The following GALNT9 variants were observed in gnomAD, a reference collection of about 807,000 sequenced individuals.
The protein encoded by GALNT9 is polypeptide N-acetylgalactosaminyltransferase 9, also known as GalNAc transferase 9.
A neutral mutation model predicts 63.1 loss-of-function variants in GALNT9; 47 were observed. The observed-to-expected ratio is 0.75, with a 90% CI of 0.59 to 0.95. GALNT9 has a LOEUF of 0.95. Ranked by LOEUF, GALNT9 falls within the 40% of genes least tolerant of loss-of-function variation. The pLI, the probability that GALNT9 is intolerant of heterozygous loss-of-function variation, is 0.00. For synonymous variants in GALNT9, 396 were observed against 365.7 expected (o/e 1.08, Z -0.94); for missense variants, 829 against 874.8 (o/e 0.95, Z 0.66).
At chr12:132,208,089 A>C (rs1876801689) in intron 6 of GALNT9, among the ~76,000 whole-genome samples, 1 of 152,238 alleles carries the variant, frequency 6.6e-6, no homozygotes, top group African/African-American at 2.4e-5. Flanking sequence ...GCTTATGCAG[A>C]GGGAGAATTT....
intron 6 of GALNT9, among the ~76,000 whole-genome samples, chr12:132,210,418 T>C (rs7977641): frequency 0.77 from 116,436 of 152,158 alleles, 44,711 homozygotes; most frequent in African/African-American, 0.79. Context: ...CATGCGGCCT[T>C]CATCGTGAAA....
intron 4 of GALNT9, among the ~76,000 whole-genome samples, chr12:132,258,220 C>T (rs937431266): frequency 2.0e-5 from 3 of 152,198 alleles, no homozygotes; most frequent in Non-Finnish European, 2.9e-5. Flanking sequence ...CACCACGGGG[C>T]TCCCCAGCTC....
At position 132,201,113 on chromosome 12, in the gene GALNT9, G is replaced by A. The variant is rs547596580; in HGVS notation, c.1401+11C>T. ...TGTCGGGCCGAACGGGGCCCTCGGGGGAGGTGCTACCTCTCCGTACGTGAG... is the reference window on the plus strand; with the variant it reads ...TGTCGGGCCGAACGGGGCCCTCGGGAGAGGTGCTACCTCTCCGTACGTGAG... On this transcript the variant is annotated intron_variant, in intron 8 of 10. Coordinates refer to ENST00000328957, the MANE Select transcript of GALNT9 (RefSeq NM_001122636.2). The A allele has an allele frequency of 7.4e-6, 12 of 1,611,682 alleles. No homozygotes were observed. Among genetic ancestry groups the A allele is most frequent in the South Asian group, 2.2e-5 (2 of 90,644 alleles).
intron 1 of GALNT9, among the ~76,000 whole-genome samples, chr12:132,305,101 A>G (rs1881532599): frequency 2.5e-5 from 2 of 79,222 alleles, no homozygotes; most frequent in African/African-American, 1.4e-4. Context: ...ACCCGGGCAC[A>G]GCCTCACCCA....
chr12:132,253,470 C>T (rs1555238769), intron 5 of GALNT9, among the ~76,000 whole-genome samples: 2 of 151,200 alleles, frequency 1.3e-5, no homozygotes, highest in African/African-American at 4.9e-5. Flanking sequence ...TTCTAGGTCA[C>T]TTCTCACAAT....
At chr12:132,302,465 T>C (rs1881334786) in intron 1 of GALNT9, among the ~76,000 whole-genome samples, 2 of 152,250 alleles carry the variant, frequency 1.3e-5, no homozygotes, top group South Asian at 2.1e-4. Flanking sequence ...ATAACTTTGA[T>C]GGCTGCAAAC....
intron 6 of GALNT9, among the ~76,000 whole-genome samples, chr12:132,227,038 C>A (rs1026592039): frequency 6.8e-5 from 10 of 146,800 alleles, no homozygotes; most frequent in East Asian, 5.8e-4. Flanking sequence ...ACACACACAC[C>A]CACACCCACA....
chr12:132,202,460 C>T lies in GALNT9; in HGVS notation c.1263+1045G>A, dbSNP rs1876227599. On this transcript the variant is annotated intron_variant, in intron 7 of 10. Transcript: ENST00000328957. ...TGGTCCAGCCCGGGGCCACTTCAGGCCGTGTCACCCACACGCTGGGGTGCA... is the reference window on the plus strand; with the variant it reads ...TGGTCCAGCCCGGGGCCACTTCAGGTCGTGTCACCCACACGCTGGGGTGCA... Among the ~76,000 whole-genome samples the T allele has an allele frequency of 5.3e-5, 8 of 152,292 alleles. No homozygotes were observed. The South Asian group carries it at 1.7e-3, about 32-fold the overall frequency.
Position 132,310,719 on chromosome 12 carries a change from C to T in GALNT9, c.238+18247G>A, listed in dbSNP as rs559577656. Among the ~76,000 whole-genome samples the T allele has an allele frequency of 7.2e-5, 11 of 152,204 alleles. No homozygotes were observed. The highest frequency in any genetic ancestry group is 1.9e-4 in the African/African-American group (8 of 41,510). The stretch of plus-strand genomic sequence containing the variant: ...AGAGGAAACAGCACAAATTGAGAGG[C>T]GGCCGGGCACAAGATAATCGGGGAG... On this transcript the variant is annotated intron_variant, in intron 1 of 10. Coordinates refer to ENST00000328957, the MANE Select transcript of GALNT9 (RefSeq NM_001122636.2). This position sits in a 1 kb window ranked among gnomAD's most constrained non-coding sequence, Gnocchi z 4.8.
intron 6 of GALNT9, among the ~76,000 whole-genome samples, chr12:132,230,403 C>A (rs1294306437): frequency 1.3e-5 from 2 of 152,248 alleles, no homozygotes; most frequent in Admixed American, 1.3e-4. Context: ...GGGGTACAAA[C>A]CAACTGCAGG....
chr12:132,315,243 A>T lies in GALNT9; in HGVS notation c.238+13723T>A, dbSNP rs1868449452. On this transcript the variant is annotated intron_variant, in intron 1 of 10. Transcript: ENST00000328957. The surrounding 1 kb of genome is among the most constrained non-coding windows in gnomAD (Gnocchi z 6.1). ...CACTGCAAAGTGCTGGAGCCTCAGA[A>T]TATAATCAGGGCGGCCTCCCCTGTG... Among the ~76,000 whole-genome samples, 1 of 133,982 alleles carries T rather than the reference A, an allele frequency of 7.5e-6. No individual in the cohort carries two copies. Among genetic ancestry groups the T allele is most frequent in the Admixed American group, 7.3e-5 (1 of 13,732 alleles). The allele number at this position is 133,982 out of a possible 152,430, so 87.9% of individuals were successfully genotyped here.
intron 1 of GALNT9, among the ~76,000 whole-genome samples, chr12:132,300,703 C>T (rs529590659): frequency 1.3e-5 from 2 of 151,386 alleles, no homozygotes; most frequent in African/African-American, 4.9e-5. Flanking sequence ...CCATAACTAA[C>T]CCACTGCCAC....
intron 4 of GALNT9, among the ~76,000 whole-genome samples, chr12:132,260,378 C>T (rs1239664421): frequency 6.6e-6 from 1 of 152,196 alleles, no homozygotes; most frequent in Admixed American, 6.5e-5. Flanking sequence ...TGCTCCGAGC[C>T]GCCCAGAAGG....
intron 6 of GALNT9, chr12:132,240,796 A>G (rs1878253934): frequency 2.3e-6 from 1 of 443,962 alleles, no homozygotes; most frequent in African/African-American, 2.0e-5. Context: ...ACATGTTTAC[A>G]CACATGCCAC....
chr12:132,212,046 G>A (rs1020417764), intron 6 of GALNT9, among the ~76,000 whole-genome samples: 10 of 152,208 alleles, frequency 6.6e-5, no homozygotes, highest in African/African-American at 2.4e-4. Flanking sequence ...ACGCAGGCAG[G>A]CCCCACCCAG....
intron 1 of GALNT9, among the ~76,000 whole-genome samples, chr12:132,311,460 C>A (rs957184318): frequency 1.3e-5 from 2 of 152,216 alleles, no homozygotes; most frequent in Non-Finnish European, 2.9e-5. Context: ...GAGGAGCAAA[C>A]AACCCTCTCC....
rs1412808062 is a variant in GALNT9 at position 132,319,502 on chromosome 12, T to C, written c.238+9464A>G. 6.6e-6 allele frequency among the ~76,000 whole-genome samples: 1 copy of C among 152,186 alleles called. No individual in the cohort carries two copies. Among genetic ancestry groups the C allele is most frequent in the African/African-American group, 2.4e-5 (1 of 41,456 alleles). ...AGGACCCCACCCAGCTTCCCGGGCC[T>C]GCAGCTTGCAGACGGCAGATGATGG... On this transcript the variant is annotated intron_variant, in intron 1 of 10. Transcript: ENST00000328957. This position sits in a 1 kb window ranked among gnomAD's most constrained non-coding sequence, Gnocchi z 5.2.
rs1051564948 is a variant in GALNT9, at chr12:132,228,246, T to A, written c.1077+19664A>T. 5.3e-4 allele frequency among the ~76,000 whole-genome samples: 80 copies of A among 151,634 alleles called. 1 individual carries two copies. The South Asian group carries it at 0.013, about 25-fold the overall frequency. The stretch of plus-strand genomic sequence containing the variant: ...GACACCCCCGCGTCCCTCCCCGGCG[T>A]CCCTCTGACACCTGCATCCCTCCCC... On this transcript the variant is annotated intron_variant, in intron 6 of 10. Transcript: ENST00000328957.
intron 6 of GALNT9, among the ~76,000 whole-genome samples, chr12:132,206,634 G>A (rs370488881): frequency 6.4e-4 from 88 of 138,406 alleles, no homozygotes; most frequent in African/African-American, 2.0e-3. Flanking sequence ...GCGACAGAGC[G>A]AGACTCCGTC....
Sources: gnomAD v4.1 joint callset for allele counts (sites outside exome capture counted in the v4.1 genomes callset) on GRCh38, gnomAD v4.1.1 for gene constraint, Gnocchi (gnomAD v3.1) non-coding constraint, MANE v1.5 for transcripts, NCBI Gene and HGNC (gene_info 2026-07-23, HGNC 2026-07-21) for gene names.